PNPLA6: variants seen among roughly 807,000 people sequenced by gnomAD.
The protein encoded by PNPLA6 is patatin like domain 6, lysophospholipase.
In PNPLA6, 105 loss-of-function variants were observed where a neutral mutation model predicts 153.7. That is an observed-to-expected ratio of 0.68 (90% CI 0.58 to 0.80). The LOEUF (loss-of-function observed/expected upper bound fraction) is 0.80, where lower values mean the gene tolerates loss of function less well. PNPLA6 is among the 30% of genes least tolerant of loss of function. The probability of loss-of-function intolerance (pLI) is 0.00; values close to 1 mark genes in which losing one functional copy is unlikely to be tolerated. For missense variants in PNPLA6, 1,423 were observed against 1,919.3 expected (o/e 0.74, Z 4.83); for synonymous variants, 825 against 822.2 (o/e 1.00, Z -0.06).
rs1408753733 is a variant in PNPLA6, at chr19:7,557,798, AGAAAG to A, written c.3397+515_3397+519del. Among the ~76,000 whole-genome samples, 457 of 149,160 alleles carry A rather than the reference AGAAAG, an allele frequency of 3.1e-3. 4 individuals are homozygous for A. The highest frequency in any genetic ancestry group is 0.011 in the African/African-American group (443 of 40,674). The stretch of plus-strand genomic sequence containing the variant: ...GACTCAGTCTCAAAAAAAAAAAAAA[AGAAAG>A]AAAGAAATCTACATCTACCTGCTGG... On this transcript the variant is annotated intron_variant, in intron 27 of 31. Coordinates refer to ENST00000600737, the MANE Select transcript of PNPLA6 (RefSeq NM_001166114.2).
In PNPLA6 at chr19:7,539,902, C is replaced by T. The variant is rs1418833575; in HGVS notation, c.414-16C>T. 3 of 1,527,946 alleles carry T rather than the reference C, an allele frequency of 2.0e-6. No homozygotes were observed. The highest frequency in any genetic ancestry group is 2.6e-6 in the Non-Finnish European group (3 of 1,136,618). 94.6% of individuals were successfully genotyped at this position (1,527,946 alleles called of 1,614,324 possible). ...CCGTGCCCCCCTCACCCCCGGCACC[C>T]CTCCCCTCCCACCAGGATCCTGCGC... On this transcript the variant is annotated splice_polypyrimidine_tract_variant and intron_variant, in intron 3 of 31. Transcript: ENST00000600737.
intron 1 of PNPLA6, 57 bp from the exon 2 acceptor site, chr19:7,536,134 C>A: frequency 6.5e-7 from 1 of 1,527,676 alleles, no homozygotes; most frequent in Non-Finnish European, 9.1e-7. Context: ...TACCCCAGCT[C>A]TGGCAGGGTG....
chr19:7,543,360 G>T (rs2023243139), intron 13 of PNPLA6, among the ~76,000 whole-genome samples: 1 of 152,014 alleles, frequency 6.6e-6, no homozygotes, highest in South Asian at 2.1e-4. Flanking sequence ...GCCTGCCCTG[G>T]CTCTTCCTGT....
In PNPLA6 at chr19:7,549,611, C is replaced by T. The variant is rs867184854; in HGVS notation, c.1609-296C>T. The T allele has an allele frequency of 5.5e-5, 25 of 452,350 alleles. 1 individual carries two copies. Among genetic ancestry groups the T allele is most frequent in the Middle Eastern group, 6.6e-4 (1 of 1,512 alleles). The allele number at this position is 452,350 out of a possible 1,614,324, so 28.0% of individuals were successfully genotyped here. On this transcript the variant is annotated intron_variant, in intron 13 of 31. Coordinates refer to ENST00000600737, the MANE Select transcript of PNPLA6 (RefSeq NM_001166114.2). ...TCAGGCAATTCTCTTGCCTCAGCTTCCTGAGTAGCTGGAATTACAGACATG... is the reference window on the plus strand; with the variant it reads ...TCAGGCAATTCTCTTGCCTCAGCTTTCTGAGTAGCTGGAATTACAGACATG...
rs780346245 is a variant in PNPLA6 at position 7,554,555 on chromosome 19, C to T, written c.2466C>T (p.Ser822=). 2.0e-5 allele frequency: 32 copies of T among 1,614,028 alleles called. No homozygotes were observed. In the Admixed American group the frequency reaches 3.3e-4, roughly 17 times the overall value. Residue 822 remains serine, a splice_region_variant and synonymous_variant, in exon 21 of 32, where the codon AGC becomes AGT. Transcript: ENST00000600737. ...TGACGCTGCCCCCTTCCCACCCTAG[C>T]ATCCAAGAGTTCCGGCTGTCAGGGT... ...RARLGASALD[S]IQEFRLSGWL...
rs775624738 is a variant in PNPLA6 at position 7,555,186 on chromosome 19, C to A, written c.2818-63C>A. ...GGACAGGCTCGAAGGTCAGGGTACC[C>A]CTGGGGGATCCGCCGGACCCCGCCC... is the stretch of plus-strand genomic sequence containing the variant. On this transcript the variant is annotated intron_variant, in intron 22 of 31. Transcript: ENST00000600737. The surrounding 1 kb of genome is among the most constrained non-coding windows in gnomAD (Gnocchi z 6.3). The A allele has an allele frequency of 6.5e-7, 1 of 1,526,796 alleles. No homozygotes were observed. The allele number at this position is 1,526,796 out of a possible 1,614,324, so 94.6% of individuals were successfully genotyped here.
Position 7,542,920 on chromosome 19 carries a change from C to G in PNPLA6, c.1522C>G (p.Arg508Gly), listed in dbSNP as rs777484615. 11 of 1,613,654 alleles carry G rather than the reference C, an allele frequency of 6.8e-6. No homozygotes were observed. The highest frequency in any genetic ancestry group is 2.2e-5 in the East Asian group (1 of 44,878). The change falls in exon 12 of 32, where the codon CGG (arginine) becomes GGG (glycine). Residue 508 changes from arginine to glycine, a missense_variant. Coordinates refer to ENST00000600737, the MANE Select transcript of PNPLA6 (RefSeq NM_001166114.2). ...AAAGCAGGAGCTGGCCAAGCTGATG[C>G]GGATTGAGGTGGGCAGCCGAGGGGA... Reference protein sequence around the residue: ...AAKQELAKLMRIEDPSLLNSR... With the variant: ...AAKQELAKLMGIEDPSLLNSR...
intron 18 of PNPLA6, 130 bp from the exon 19 acceptor site, chr19:7,553,745 G>A: frequency 8.4e-7 from 1 of 1,186,430 alleles, no homozygotes; most frequent in South Asian, 1.3e-5. Context: ...TTGGGCAACT[G>A]GGGGCTGCAG....
Position 7,556,483 on chromosome 19 carries a change from G to C in PNPLA6, c.3124G>C (p.Asp1042His). 1 of 1,613,514 alleles carries C rather than the reference G, an allele frequency of 6.2e-7. No homozygotes were observed. Among genetic ancestry groups the C allele is most frequent in the Non-Finnish European group, 8.5e-7 (1 of 1,179,548 alleles). Reference protein sequence around the residue: ...SMTSVLEPVLDLTYPVTSMFT... With the variant: ...SMTSVLEPVLHLTYPVTSMFT... ...GACTTCGGTGCTGGAACCTGTGTTG[G>C]ACCTCACGTACCCAGTCACCTCCAT... The change falls in exon 25 of 32, where the codon GAC (aspartate) becomes CAC (histidine). Residue 1042 changes from aspartate (D) to histidine (H), a missense_variant. Transcript: ENST00000600737.
chr19:7,561,254 C>G lies in PNPLA6; in HGVS notation c.3960C>G (p.Pro1320=). The change falls in exon 31 of 32, where the codon CCC becomes CCG. Residue 1320 remains proline, a synonymous_variant. Coordinates refer to ENST00000600737, the MANE Select transcript of PNPLA6 (RefSeq NM_001166114.2). ...CAGAGTATGAGGAGGACGCCGGACCCGACTGCTCGAGGGATGAAGGGGGGT... is the reference window on the plus strand; with the variant it reads ...CAGAGTATGAGGAGGACGCCGGACCGGACTGCTCGAGGGATGAAGGGGGGT... The part of the protein sequence containing the change: ...CLTEYEEDAG[P]DCSRDEGGSP... 6.2e-7 allele frequency: 1 copy of G among 1,610,928 alleles called. No homozygotes were observed. Among genetic ancestry groups the G allele is most frequent in the African/African-American group, 1.3e-5 (1 of 75,014 alleles).
At chr19:7,556,927 C>T (rs1447360046) in intron 26 of PNPLA6, 1 of 685,286 alleles carries the variant, frequency 1.5e-6, no homozygotes, top group Non-Finnish European at 2.7e-6. Flanking sequence ...AGCAGGGAGA[C>T]TCGTCGGACG....
chr19:7,559,313 G>C (rs369857605), intron 28 of PNPLA6, among the ~76,000 whole-genome samples, 162 bp downstream of exon 28: 1 of 152,136 alleles, frequency 6.6e-6, no homozygotes, highest in Non-Finnish European at 1.5e-5. Context: ...ATGTCTGCAG[G>C]GGATGTAGTA....
intron 21 of PNPLA6, 84 bp from the exon 22 acceptor site, chr19:7,554,809 G>C (rs974745124): frequency 2.0e-5 from 32 of 1,582,472 alleles, no homozygotes; most frequent in Non-Finnish European, 2.7e-5. Context: ...GTGCACCCTC[G>C]CCATGGGGGT....
chr19:7,557,651 G>T, intron 27 of PNPLA6: 1 of 354,910 alleles, frequency 2.8e-6, no homozygotes, highest in East Asian at 7.4e-5. Context: ...CAGGCTGGTG[G>T]GGTGTGCCTG....
chr19:7,553,183 G>A (rs566523138), intron 18 of PNPLA6, among the ~76,000 whole-genome samples: 1 of 152,138 alleles, frequency 6.6e-6, no homozygotes, highest in South Asian at 2.1e-4. Flanking sequence ...GCTGGTCTAG[G>A]CTGTTAGTGG....
At chr19:7,550,248 G>T (rs377441452) in intron 14 of PNPLA6, 50 bp from the exon 15 acceptor site, 1 of 1,612,680 alleles carries the variant, frequency 6.2e-7, no homozygotes, top group African/African-American at 1.3e-5. Context: ...CAGCGCCGGT[G>T]TAGGACGGTT....
intron 31 of PNPLA6, 26 bp downstream of exon 31, chr19:7,561,343 C>G (rs778186601): frequency 1.5e-5 from 23 of 1,535,546 alleles, no homozygotes; most frequent in Non-Finnish European, 2.0e-5. Flanking sequence ...CCAGGGTCCC[C>G]TCACATCCCC....
rs763107646 is a variant in PNPLA6, at chr19:7,541,659, C to T, written c.1143C>T (p.Thr381=). 23 of 1,576,552 alleles carry T rather than the reference C, an allele frequency of 1.5e-5. No individual in the cohort carries two copies. The South Asian group carries it at 1.5e-4, about 10-fold the overall frequency. ...RETPGRPPDP[T]GAPLPGPTGD... The stretch of plus-strand genomic sequence containing the variant: ...CCCCAGGGCGGCCACCCGATCCCAC[C>T]GGGGCCCCGCTGCCTGGACCTACAG... Residue 381 remains threonine (T), a synonymous_variant, in exon 9 of 32, where the codon ACC becomes ACT. Transcript: ENST00000600737. The surrounding 1 kb of genome is among the most constrained non-coding windows in gnomAD (Gnocchi z 5.2).
Position 7,561,200 on chromosome 19 carries a change from G to C in PNPLA6, c.3914-8G>C. 4 of 1,603,870 alleles carry C rather than the reference G, an allele frequency of 2.5e-6. No individual in the cohort carries two copies. Among genetic ancestry groups the C allele is most frequent in the Non-Finnish European group, 3.4e-6 (4 of 1,174,998 alleles). On this transcript the variant is annotated splice_region_variant and splice_polypyrimidine_tract_variant and intron_variant, in intron 30 of 31. Transcript: ENST00000600737. ...TCCCCTCACCTGTGCCCTGCTCCCCGATTCCAGGAGAGGAGTCAGATTGTC... is the reference window on the plus strand; with the variant it reads ...TCCCCTCACCTGTGCCCTGCTCCCCCATTCCAGGAGAGGAGTCAGATTGTC...
Sources: allele counts gnomAD v4.1 joint callset (sites outside exome capture counted in the v4.1 genomes callset), GRCh38; gene constraint gnomAD v4.1.1; non-coding constraint Gnocchi (gnomAD v3.1); transcripts MANE v1.5; gene names NCBI Gene and HGNC (gene_info 2026-07-23, HGNC 2026-07-21).